The following NCALD variants were observed in gnomAD, a reference collection of about 807,000 sequenced individuals.
NCALD encodes the protein neurocalcin-delta.
Under a neutral mutation model 18.6 loss-of-function variants are expected in NCALD, and 10 were observed. That is an observed-to-expected ratio of 0.54 (90% CI 0.33 to 0.91). NCALD has a LOEUF of 0.91. Ranked by LOEUF, NCALD falls within the 40% of genes least tolerant of loss-of-function variation. The pLI is 0.03. For missense variants in NCALD, 184 were observed against 247.6 expected, an observed-to-expected ratio of 0.74 and a Z score of 1.72; for synonymous variants, 88 against 87.4, an observed-to-expected ratio of 1.01 and a Z score of -0.04.
At chr8:101,977,884 A>T (rs1820480078) in intron 2 of NCALD, among the ~76,000 whole-genome samples, 2 of 152,298 alleles carry the variant, frequency 1.3e-5, no homozygotes, top group Middle Eastern at 6.8e-3. Flanking sequence ...CCTGATACTT[A>T]AGATGGTCTT....
chr8:102,030,601 G>C (rs1440695510), intron 1 of NCALD, among the ~76,000 whole-genome samples: 1 of 152,178 alleles, frequency 6.6e-6, no homozygotes, highest in African/African-American at 2.4e-5. Flanking sequence ...TAAATAAGGG[G>C]CTGGGCACAG....
chr8:101,823,975 T>G (rs1187098657), intron 4 of NCALD, among the ~76,000 whole-genome samples: 3 of 152,216 alleles, frequency 2.0e-5, no homozygotes, highest in Non-Finnish European at 2.9e-5. Flanking sequence ...TTAAATTTCC[T>G]TTTGATCAAC....
At chr8:101,713,251 A>G (rs1815896129) in intron 2 of NCALD, among the ~76,000 whole-genome samples, 1 of 152,258 alleles carries the variant, frequency 6.6e-6, no homozygotes. Flanking sequence ...ACAATATATC[A>G]GAATCTCTGG....
intron 1 of NCALD, among the ~76,000 whole-genome samples, chr8:102,052,056 GT>G (rs1385823487): frequency 1.3e-5 from 2 of 152,150 alleles, no homozygotes; most frequent in African/African-American, 4.8e-5. Context: ...TGTTCTTTGG[GT>G]TTTTATCAAC....
At position 101,687,562 on chromosome 8, in the gene NCALD, CAA is replaced by C. The variant is rs745343303; in HGVS notation, c.*1745_*1746del. On this transcript the variant is annotated 3_prime_UTR_variant, in exon 4 of 4. Transcript: ENST00000220931. Reference sequence around the variant, plus strand: ...TTTCTGCTGCCAATTACAGCAGACTCAAGTCATATATAAAAACCTGGAGGTTA... The same window carrying C: ...TTTCTGCTGCCAATTACAGCAGACTCGTCATATATAAAAACCTGGAGGTTA... 1 of 152,468 alleles carries C rather than the reference CAA, an allele frequency of 6.6e-6. No individual in the cohort carries two copies. The highest frequency in any genetic ancestry group is 1.5e-5 in the Non-Finnish European group (1 of 68,034). 9.4% of individuals were successfully genotyped at this position (152,468 alleles called of 1,614,324 possible).
In NCALD at chr8:101,956,516, A is replaced by G. The variant is rs560266990; in HGVS notation, c.-156-40658T>C. Among the ~76,000 whole-genome samples the G allele has an allele frequency of 2.4e-3, 366 of 152,312 alleles. 1 individual carries two copies. In the Middle Eastern group the frequency reaches 0.027, roughly 11 times the overall value. ...AAGTGCTTTGAAATTTTATAGCAAT[A>G]TAGGTACACGTAAGTATCTACATAT... On this transcript the variant is annotated intron_variant, in intron 2 of 6. Coordinates refer to the NCALD transcript ENST00000311028.
In NCALD at chr8:101,892,587, C is replaced by T. The variant is rs183570010; in HGVS notation, c.-106-5360G>A. ...TCCGAGCTACAGGAGGAAATTCAAA[C>T]CAAAGGCAAAGAAGTTGAACACTTT... On this transcript the variant is annotated intron_variant, in intron 3 of 6. Coordinates refer to the NCALD transcript ENST00000311028. Among the ~76,000 whole-genome samples the T allele has an allele frequency of 3.2e-3, 473 of 148,890 alleles. 19 individuals carry two copies. Among genetic ancestry groups the T allele is most frequent in the Admixed American group, 5.4e-3 (82 of 15,078 alleles).
At chr8:101,858,796 C>A (rs775118239) in intron 4 of NCALD, among the ~76,000 whole-genome samples, 1 of 152,040 alleles carries the variant, frequency 6.6e-6, no homozygotes, top group Non-Finnish European at 1.5e-5. Flanking sequence ...CAGCTTCCAG[C>A]GAGCTTGTTA....
chr8:101,726,124 G>T (rs944288302), intron 1 of NCALD, among the ~76,000 whole-genome samples: 3 of 152,182 alleles, frequency 2.0e-5, no homozygotes, highest in Non-Finnish European at 4.4e-5. Context: ...GGAGTGGAGG[G>T]CATGAGGTGG....
intron 1 of NCALD, among the ~76,000 whole-genome samples, chr8:101,740,569 G>A (rs576701998): frequency 2.0e-5 from 3 of 152,168 alleles, no homozygotes; most frequent in Non-Finnish European, 4.4e-5. Context: ...GTGTGCTTAA[G>A]GAAAAGCTTT....
At chr8:101,789,890 C>T (rs1812383423) in intron 1 of NCALD, among the ~76,000 whole-genome samples, 1 of 151,936 alleles carries the variant, frequency 6.6e-6, no homozygotes, top group East Asian at 1.9e-4. Context: ...AACTACAATA[C>T]AAAGAAAACA....
intron 2 of NCALD, among the ~76,000 whole-genome samples, chr8:101,951,019 G>A (rs1819394629): frequency 6.6e-6 from 1 of 152,140 alleles, no homozygotes; most frequent in African/African-American, 2.4e-5. Context: ...CTTTGGTTTT[G>A]GAGGCCGCAG....
chr8:102,077,408 G>C (rs1012515498), intron 1 of NCALD, among the ~76,000 whole-genome samples: 6 of 152,114 alleles, frequency 3.9e-5, no homozygotes, highest in Admixed American at 1.3e-4. Flanking sequence ...AAAGTAGGAA[G>C]AAATCCTGAT....
intron 3 of NCALD, among the ~76,000 whole-genome samples, chr8:101,902,199 T>C (rs1817453344): frequency 1.3e-5 from 2 of 152,164 alleles, no homozygotes; most frequent in Admixed American, 1.3e-4. Flanking sequence ...TAGGGTAATT[T>C]CTACTATTCT....
chr8:102,092,053 C>T (rs1824941403), intron 1 of NCALD, among the ~76,000 whole-genome samples: 1 of 152,096 alleles, frequency 6.6e-6, no homozygotes, highest in Non-Finnish European at 1.5e-5. Context: ...CATTTTAAGT[C>T]ACAGGATGAG....
chr8:101,825,859 ATGGCTG>A (rs1165145798), intron 4 of NCALD, among the ~76,000 whole-genome samples: 7 of 152,234 alleles, frequency 4.6e-5, no homozygotes, highest in African/African-American at 1.7e-4. Flanking sequence ...GTAAATAAGC[ATGGCTG>A]TGTTTCAATA....
chr8:101,847,079 C>A (rs1264866), intron 4 of NCALD, among the ~76,000 whole-genome samples: 58,772 of 152,096 alleles, frequency 0.39, 14,736 homozygotes, highest in African/African-American at 0.71. Context: ...AGAAGGGTCC[C>A]TGTGACACAG....
chr8:101,690,667 T>C, intron 3 of NCALD: 6 of 985,468 alleles, frequency 6.1e-6, no homozygotes, highest in Non-Finnish European at 7.2e-6. Context: ...ACCCACTTTA[T>C]CTCCATGAAG....
chr8:101,694,444 A>G (rs891516658), intron 2 of NCALD: 1 of 152,104 alleles, frequency 6.6e-6, no homozygotes, highest in African/African-American at 2.4e-5. Context: ...AAGAATGAAA[A>G]CAGACTCACC....
Sources: gnomAD v4.1 joint callset for allele counts (sites outside exome capture counted in the v4.1 genomes callset) on GRCh38, gnomAD v4.1.1 for gene constraint, MANE v1.5 for transcripts, NCBI Gene and HGNC (gene_info 2026-07-23, HGNC 2026-07-21) for gene names.